The following CCDC61 variants were observed in gnomAD, a reference collection of about 807,000 sequenced individuals.
CCDC61 encodes centrosomal protein CCDC61.
Under a neutral mutation model 63.0 loss-of-function variants are expected in CCDC61, and 55 were observed. That is an observed-to-expected ratio of 0.87 (90% CI 0.70 to 1.09). The LOEUF (loss-of-function observed/expected upper bound fraction) is 1.09. Ranked by LOEUF, CCDC61 falls within the 50% of genes least tolerant of loss-of-function variation. The pLI, the probability that CCDC61 is intolerant of heterozygous loss-of-function variation, is 0.00. For missense variants in CCDC61, 651 were observed against 731.4 expected, an observed-to-expected ratio of 0.89 and a Z score of 1.27; for synonymous variants, 270 against 317.0, an observed-to-expected ratio of 0.85 and a Z score of 1.58.
At chr19:46,003,286 G>A (rs1002632156) in intron 2 of CCDC61, 120 bp downstream of exon 2, 5 of 1,431,758 alleles carry the variant, frequency 3.5e-6, no homozygotes, top group Non-Finnish European at 3.8e-6. Context: ...AAACTCTCCA[G>A]TGTGGGGAGG....
At position 46,006,611 on chromosome 19, in the gene CCDC61, T is replaced by C. The variant is rs200680847; in HGVS notation, c.284T>C (p.Leu95Pro). The stretch of plus-strand genomic sequence containing the variant: ...CTGACCTACACAGACCTGGAGTCCC[T>C]GCGGAACCGCAAGATGGGGGGCCGC... The part of the protein sequence containing the change: ...DLLTYTDLES[L>P]RNRKMGGRPG... The change falls in exon 4 of 14, where the codon CTG becomes CCG. Residue 95 changes from leucine (L) to proline (P), a missense_variant. Transcript: ENST00000595358. 31 of 1,613,654 alleles carry C rather than the reference T, an allele frequency of 1.9e-5. No homozygotes were observed. The Middle Eastern group carries it at 4.9e-4, about 26-fold the overall frequency.
At chr19:45,997,324 C>T (rs1263259187) in intron 1 of CCDC61, among the ~76,000 whole-genome samples, 1 of 152,192 alleles carries the variant, frequency 6.6e-6, no homozygotes, top group Non-Finnish European at 1.5e-5. Context: ...GCTAAAATAA[C>T]TCCTGTCACT....
Position 46,008,307 on chromosome 19 carries a change from T to C in CCDC61, c.551+6T>C, listed in dbSNP as rs1968754758. ...ATCTGGCATCTGCGGGAGCAGTGAG[T>C]CTTGGAGGGGTGGGCAGCTGGGGCG... On this transcript the variant is annotated splice_donor_region_variant and intron_variant, in intron 5 of 13. Coordinates refer to ENST00000595358, the MANE Select transcript of CCDC61 (RefSeq NM_001267723.2). The C allele has an allele frequency of 1.3e-6, 2 of 1,551,984 alleles. No individual in the cohort carries two copies. Among genetic ancestry groups the C allele is most frequent in the Admixed American group, 1.7e-5 (1 of 57,424 alleles).
intron 4 of CCDC61, 110 bp from the exon 5 acceptor site, chr19:46,008,030 A>G (rs1968745765): frequency 2.5e-6 from 3 of 1,180,860 alleles, no homozygotes; most frequent in Non-Finnish European, 3.5e-6. Context: ...AGGACAGTGC[A>G]GTTTTTGGAA....
At position 46,004,497 on chromosome 19, in the gene CCDC61, C is replaced by T. The variant is rs191241602; in HGVS notation, c.231+996C>T. ...TTTGTTTGTTTGAGATGGAATCTCA[C>T]TCTGTCTCCCAGGCTGGAGTGCAGT... is the stretch of plus-strand genomic sequence containing the variant. On this transcript the variant is annotated intron_variant, in intron 3 of 13. Transcript: ENST00000595358. 4.7e-3 allele frequency among the ~76,000 whole-genome samples: 715 copies of T among 152,266 alleles called. 2 individuals carry two copies. Among genetic ancestry groups the T allele is most frequent in the Non-Finnish European group, 7.4e-3 (504 of 68,024 alleles).
rs1278679153 is a variant in CCDC61, at chr19:46,018,163, C to A, written c.1441+13C>A. ...GTCCCCATCAAAGGTGAGCCTGGGACTCCACATCCCCTCTCCCAGCCCCAG... is the reference window on the plus strand; with the variant it reads ...GTCCCCATCAAAGGTGAGCCTGGGAATCCACATCCCCTCTCCCAGCCCCAG... On this transcript the variant is annotated intron_variant, in intron 13 of 13. Coordinates refer to ENST00000595358, the MANE Select transcript of CCDC61 (RefSeq NM_001267723.2). This position sits in a 1 kb window ranked among gnomAD's most constrained non-coding sequence, Gnocchi z 4.2. 1.3e-6 allele frequency: 2 copies of A among 1,597,536 alleles called. No individual in the cohort carries two copies. Among genetic ancestry groups the A allele is most frequent in the African/African-American group, 2.7e-5 (2 of 74,248 alleles).
At chr19:46,017,550 G>A (rs74556344) in intron 12 of CCDC61, among the ~76,000 whole-genome samples, 1 of 151,766 alleles carries the variant, frequency 6.6e-6, no homozygotes, top group Non-Finnish European at 1.5e-5. Context: ...GGCTTTTTTG[G>A]GGGGGCAGGG....
Position 46,015,882 on chromosome 19 carries a change from A to T in CCDC61, c.846-172A>T, listed in dbSNP as rs1246995573. 1.3e-5 allele frequency among the ~76,000 whole-genome samples: 2 copies of T among 149,206 alleles called. No individual in the cohort carries two copies. Among genetic ancestry groups the T allele is most frequent in the Non-Finnish European group, 3.0e-5 (2 of 67,510 alleles). ...GACAGAGGGGTGTTTTAGGGGTCCA[A>T]TTGGGTGAGGTCTGGGGGGGAAGAT... On this transcript the variant is annotated intron_variant, in intron 7 of 13. Coordinates refer to ENST00000595358, the MANE Select transcript of CCDC61 (RefSeq NM_001267723.2). The surrounding 1 kb of genome is among the most constrained non-coding windows in gnomAD (Gnocchi z 5.3).
Position 46,003,250 on chromosome 19 carries a change from C to T in CCDC61, c.148+84C>T, listed in dbSNP as rs1013158639. The stretch of plus-strand genomic sequence containing the variant: ...GAATATCAGGCCACCCTGAATCCTG[C>T]CCACCTGCCTCTTCTTTGTCACCAG... On this transcript the variant is annotated intron_variant, in intron 2 of 13. Transcript: ENST00000595358. The T allele has an allele frequency of 3.4e-6, 5 of 1,484,138 alleles. 1 individual carries two copies. In the African/African-American group the frequency reaches 7.0e-5, roughly 21 times the overall value. 91.9% of individuals were successfully genotyped at this position (1,484,138 alleles called of 1,614,324 possible). A position where few individuals can be genotyped will look rare whatever the true frequency, so the allele number is the denominator to read the frequency against.
chr19:46,016,477 T>A lies in CCDC61; in HGVS notation c.1091+84T>A. 2 of 1,516,560 alleles carry A rather than the reference T, an allele frequency of 1.3e-6. No individual in the cohort carries two copies. The highest frequency in any genetic ancestry group is 1.4e-5 in the African/African-American group (1 of 73,096). The allele number at this position is 1,516,560 out of a possible 1,614,324, so 93.9% of individuals were successfully genotyped here. A position where few individuals can be genotyped will look rare whatever the true frequency, so the allele number is the denominator to read the frequency against. On this transcript the variant is annotated intron_variant, in intron 9 of 13. Coordinates refer to ENST00000595358, the MANE Select transcript of CCDC61 (RefSeq NM_001267723.2). This position sits in a 1 kb window ranked among gnomAD's most constrained non-coding sequence, Gnocchi z 7.2. ...TCTCATCTCTCCACGCCACCATCAG[T>A]CTCCATCCCCTGCCACCTGCTCGCT...
At position 46,016,745 on chromosome 19, in the gene CCDC61, C is replaced by G. The variant is rs748403747; in HGVS notation, c.1143C>G (p.Ser381=). 6.2e-7 allele frequency: 1 copy of G among 1,603,746 alleles called. No homozygotes were observed. The highest frequency in any genetic ancestry group is 8.5e-7 in the Non-Finnish European group (1 of 1,175,846). The change falls in exon 10 of 14, where the codon TCC becomes TCG. Residue 381 remains serine (S), a synonymous_variant. Transcript: ENST00000595358. This position sits in a 1 kb window ranked among gnomAD's most constrained non-coding sequence, Gnocchi z 7.2. ...GTGGGGGAAGCGGGGACGGTCCGTC[C>G]GTCTCCTGGTCTCGCCAGACCCAGC... ...LGSGGSGDGP[S]VSWSRQTQPP...
chr19:46,016,335 T>A lies in CCDC61; in HGVS notation c.1033T>A (p.Phe345Ile), dbSNP rs775613816. 1 of 1,613,854 alleles carries A rather than the reference T, an allele frequency of 6.2e-7. No individual in the cohort carries two copies. Among genetic ancestry groups the A allele is most frequent in the Non-Finnish European group, 8.5e-7 (1 of 1,179,824 alleles). ...PSPTGGRALR[F>I]DPTAFVKAKE... ...CGTCCTAGGTGGTCGCGCGCTCCGC[T>A]TCGACCCCACGGCCTTTGTGAAAGC... Residue 345 changes from phenylalanine (F) to isoleucine (I), a missense_variant, in exon 9 of 14, where the codon TTC becomes ATC. Phe to Ile is a conservative substitution (Grantham distance 21, BLOSUM62 0). Coordinates refer to ENST00000595358, the MANE Select transcript of CCDC61 (RefSeq NM_001267723.2). This position sits in a 1 kb window ranked among gnomAD's most constrained non-coding sequence, Gnocchi z 7.2.
At chr19:46,013,125 T>C (rs1014767778) in intron 5 of CCDC61, among the ~76,000 whole-genome samples, 2 of 152,120 alleles carry the variant, frequency 1.3e-5, no homozygotes, top group Non-Finnish European at 2.9e-5. Flanking sequence ...CTCAAGCGAT[T>C]CTCCTGCCTC....
In CCDC61 at chr19:46,014,820, G is replaced by A. The variant is rs150063401; in HGVS notation, c.552-229G>A. On this transcript the variant is annotated intron_variant, in intron 5 of 13. Coordinates refer to ENST00000595358, the MANE Select transcript of CCDC61 (RefSeq NM_001267723.2). ...AGTGTGTGTGTGTGTCCTGTGCGTGGTGGGGTCATGTCCTCTTCGTGAGGT... is the reference window on the plus strand; with the variant it reads ...AGTGTGTGTGTGTGTCCTGTGCGTGATGGGGTCATGTCCTCTTCGTGAGGT... Among the ~76,000 whole-genome samples the A allele has an allele frequency of 3.2e-3, 493 of 152,298 alleles. 3 individuals carry two copies. The highest frequency in any genetic ancestry group is 0.011 in the African/African-American group (469 of 41,546).
chr19:45,999,142 T>G (rs893541405), intron 1 of CCDC61, among the ~76,000 whole-genome samples: 5 of 152,186 alleles, frequency 3.3e-5, no homozygotes, highest in African/African-American at 1.2e-4. Flanking sequence ...TGCATGGTCC[T>G]TATCTAAGGC....
At chr19:46,005,791 G>GT (rs34247024) in intron 3 of CCDC61, among the ~76,000 whole-genome samples, 1,813 of 144,162 alleles carry the variant, frequency 0.013, 19 homozygotes, top group South Asian at 0.034. Flanking sequence ...TCTGTCAGTC[G>GT]TTTTTTTTTT....
chr19:46,003,122 A>G lies in CCDC61; in HGVS notation c.104A>G (p.Asp35Gly). 1 of 1,613,304 alleles carries G rather than the reference A, an allele frequency of 6.2e-7. No homozygotes were observed. Among genetic ancestry groups the G allele is most frequent in the Non-Finnish European group, 8.5e-7 (1 of 1,179,656 alleles). ...CAGGTGCTGGAGCTGGAGGTGGAGG[A>G]CCGGATGACGGCTGACCAGTGGCGG... Reference protein sequence around the residue: ...SGQVLELEVEDRMTADQWRGE... With the variant: ...SGQVLELEVEGRMTADQWRGE... Residue 35 changes from aspartate (D) to glycine (G), a missense_variant, in exon 2 of 14, where the codon GAC (aspartate) becomes GGC (glycine). Transcript: ENST00000595358.
rs1213702957 is a variant in CCDC61 at position 46,016,507 on chromosome 19, G to C, written c.1091+114G>C. ...ATCCCCTGCCACCTGCTCGCTTCTC[G>C]CCGGATACCCCGCCTGCTCTCCCTT... On this transcript the variant is annotated intron_variant, in intron 9 of 13. Transcript: ENST00000595358. The surrounding 1 kb of genome is among the most constrained non-coding windows in gnomAD (Gnocchi z 7.2). 9.2e-6 allele frequency: 13 copies of C among 1,411,860 alleles called. No homozygotes were observed. The Admixed American group carries it at 1.2e-4, about 13-fold the overall frequency. 87.5% of individuals were successfully genotyped at this position (1,411,860 alleles called of 1,614,324 possible). A position where few individuals can be genotyped will look rare whatever the true frequency, so the allele number is the denominator to read the frequency against.
intron 1 of CCDC61, among the ~76,000 whole-genome samples, chr19:46,000,685 A>T (rs1438659336): frequency 3.3e-5 from 5 of 151,900 alleles, no homozygotes; most frequent in African/African-American, 1.2e-4. Context: ...GTTACTGAGC[A>T]CTTAGGACAT....
Sources: gnomAD v4.1 joint callset for allele counts (sites outside exome capture counted in the v4.1 genomes callset) on GRCh38, gnomAD v4.1.1 for gene constraint, Gnocchi (gnomAD v3.1) non-coding constraint, MANE v1.5 for transcripts, NCBI Gene and HGNC (gene_info 2026-07-23, HGNC 2026-07-21) for gene names.